Variants in P2RY12 observed in about 807,000 individuals in gnomAD.
P2RY12 encodes purinergic receptor P2Y12, also known as P2Y purinoceptor 12.
P2RY12 carries 3 observed loss-of-function variants against 4.5 expected under a neutral mutation model. The observed-to-expected ratio is 0.67, with a 90% CI of 0.31 to 1.74. P2RY12 has a LOEUF of 1.74. P2RY12 is among the 40% of genes most tolerant of loss of function. P2RY12 has a pLI of 0.09. For synonymous variants in P2RY12, 148 were observed against 154.1 expected, an observed-to-expected ratio of 0.96 and a Z score of 0.29; for missense variants, 356 against 407.8, an observed-to-expected ratio of 0.87 and a Z score of 1.09.
chr3:151,382,620 T>A, intron 1 of P2RY12: 1 of 1,503,182 alleles, frequency 6.7e-7, no homozygotes, highest in South Asian at 1.2e-5. Context: ...GAGAGAAAAA[T>A]TAAACTTTAA....
chr3:151,356,418 A>G (rs1753930552), intron 1 of P2RY12, among the ~76,000 whole-genome samples: 1 of 152,182 alleles, frequency 6.6e-6, no homozygotes, highest in African/African-American at 2.4e-5. Context: ...ATAAAATTTA[A>G]AAAATAAAAA....
intron 1 of P2RY12, chr3:151,383,732 T>C (rs983053587): frequency 7.7e-7 from 1 of 1,292,412 alleles, no homozygotes; most frequent in Non-Finnish European, 1.1e-6. Context: ...TGGGGTGTTC[T>C]TTCTGTTTTA....
intron 1 of P2RY12, chr3:151,378,308 A>G (rs1711585274): frequency 3.3e-6 from 3 of 902,980 alleles, no homozygotes; most frequent in East Asian, 3.0e-5. Context: ...GGAATATTCT[A>G]TTAGGCAAGG....
chr3:151,355,671 A>G (rs1473558731), intron 1 of P2RY12, among the ~76,000 whole-genome samples: 1 of 152,220 alleles, frequency 6.6e-6, no homozygotes, highest in Non-Finnish European at 1.5e-5. Context: ...AGAATACTTA[A>G]GATTTAGGTC....
Position 151,337,875 on chromosome 3 carries a change from T to C in P2RY12, c.971A>G (p.Gln324Arg), listed in dbSNP as rs1241984465. The C allele has an allele frequency of 1.9e-6, 3 of 1,614,018 alleles. No homozygotes were observed. Among genetic ancestry groups the C allele is most frequent in the Non-Finnish European group, 2.5e-6 (3 of 1,179,994 alleles). ...KCPNSATSLS[Q>R]DNRKKEQDGG... is the part of the protein sequence containing the mutation. ...ATCCTGTTCTTTTTTCCTATTGTCC[T>C]GGGACAGAGATGTTGCAGAATTGGG... The change falls in exon 3 of 3, where the codon CAG becomes CGG. Residue 324 changes from glutamine (Q) to arginine (R), a missense_variant. By Grantham distance (43) the Gln-to-Arg change is conservative (BLOSUM62 1). Coordinates refer to ENST00000302632, the MANE Select transcript of P2RY12 (RefSeq NM_022788.5).
intron 1 of P2RY12, 106 bp downstream of exon 1, chr3:151,384,586 T>A (rs766884805): frequency 2.4e-4 from 46 of 193,232 alleles, no homozygotes; most frequent in Non-Finnish European, 8.4e-5. Context: ...TCGATTCATT[T>A]GACCGACCAC....
intron 1 of P2RY12, among the ~76,000 whole-genome samples, chr3:151,374,824 A>T (rs889650209): frequency 2.6e-5 from 4 of 152,326 alleles, no homozygotes; most frequent in Admixed American, 2.6e-4. Flanking sequence ...TATACAAAAA[A>T]GTATACTCAG....
chr3:151,354,159 A>C (rs925335492), intron 1 of P2RY12, among the ~76,000 whole-genome samples: 16 of 150,686 alleles, frequency 1.1e-4, no homozygotes, highest in Non-Finnish European at 1.8e-4. Flanking sequence ...AAAAAAAAAA[A>C]AAAAAGAATC....
intron 1 of P2RY12, chr3:151,350,334 A>C: frequency 1.9e-5 from 14 of 751,456 alleles, no homozygotes; most frequent in Non-Finnish European, 2.6e-5. Context: ...TCTCACATTG[A>C]AATGTGAACA....
intron 1 of P2RY12, among the ~76,000 whole-genome samples, chr3:151,363,194 A>G (rs1002393258): frequency 6.6e-6 from 1 of 152,146 alleles, no homozygotes; most frequent in Non-Finnish European, 1.5e-5. Flanking sequence ...GGCACTGTCT[A>G]AAGTTTCCTC....
rs1479248583 is a variant in P2RY12 at position 151,378,057 on chromosome 3, C to G, written c.-180+6635G>C. 2.5e-6 allele frequency: 4 copies of G among 1,610,366 alleles called. No individual in the cohort carries two copies. In the Admixed American group the frequency reaches 6.7e-5, roughly 27 times the overall value. The stretch of plus-strand genomic sequence containing the variant: ...TATGGTTGGTGGCCCCCCTCATCGC[C>G]AGGTTGCCAACTTCTGTGCAAGGAA... On this transcript the variant is annotated intron_variant, in intron 1 of 2. Transcript: ENST00000302632.
At chr3:151,357,239 A>T in intron 1 of P2RY12, 1 of 1,612,646 alleles carries the variant, frequency 6.2e-7, no homozygotes, top group Non-Finnish European at 8.5e-7. Context: ...GTGTTGTGGA[A>T]GCTGAACTGC....
At chr3:151,369,700 C>T in intron 1 of P2RY12, 2 of 513,244 alleles carry the variant, frequency 3.9e-6, no homozygotes, top group South Asian at 3.0e-5. Flanking sequence ...TTCTCCTAGA[C>T]CAAATACATC....
At chr3:151,360,679 A>T in intron 1 of P2RY12, 1 of 1,346,932 alleles carries the variant, frequency 7.4e-7, no homozygotes, top group Non-Finnish European at 1.0e-6. Context: ...CAATATTGTC[A>T]TCCTTTTGAA....
intron 1 of P2RY12, among the ~76,000 whole-genome samples, chr3:151,341,905 A>G (rs912603275): frequency 7.9e-5 from 12 of 152,064 alleles, no homozygotes; most frequent in Admixed American, 7.2e-4. Flanking sequence ...AAGGACATGA[A>G]CTCATCATTT....
At chr3:151,357,221 T>C in intron 1 of P2RY12, 1 of 1,601,588 alleles carries the variant, frequency 6.2e-7, no homozygotes, top group Non-Finnish European at 8.5e-7. Flanking sequence ...AGTTACTAAA[T>C]GAACTGAGTG....
intron 1 of P2RY12, among the ~76,000 whole-genome samples, chr3:151,349,621 C>A (rs2150015508): frequency 1.3e-5 from 2 of 152,090 alleles, no homozygotes; most frequent in Middle Eastern, 3.4e-3. Context: ...AGGATCCTAG[C>A]AAGATATTTT....
intron 1 of P2RY12, chr3:151,372,599 T>C: frequency 6.2e-7 from 1 of 1,613,880 alleles, no homozygotes; most frequent in Non-Finnish European, 8.5e-7. Flanking sequence ...CAGTGTCAGC[T>C]CTTTAAAGAA....
At chr3:151,345,237 A>G (rs1436628228) in intron 1 of P2RY12, among the ~76,000 whole-genome samples, 1 of 152,210 alleles carries the variant, frequency 6.6e-6, no homozygotes, top group East Asian at 1.9e-4. Flanking sequence ...TAAAAGAGGT[A>G]GCCTGACGTC....
Sources: gnomAD v4.1 joint callset for allele counts (sites outside exome capture counted in the v4.1 genomes callset) on GRCh38, gnomAD v4.1.1 for gene constraint, MANE v1.5 for transcripts, NCBI Gene and HGNC (gene_info 2026-07-23, HGNC 2026-07-21) for gene names.